The following SYNJ1 variants were observed in gnomAD, a reference collection of about 807,000 sequenced individuals.
SYNJ1 encodes polyphosphatidylinositol phosphatase SYNJ1.
Under a neutral mutation model 168.2 loss-of-function variants are expected in SYNJ1, and 78 were observed. The observed-to-expected ratio is 0.46, with a 90% confidence interval of 0.39 to 0.56. The LOEUF (loss-of-function observed/expected upper bound fraction) is 0.56, where lower values mean the gene tolerates loss of function less well. Among genes scored for constraint, SYNJ1 ranks in the 20% least tolerant of loss-of-function variants. The pLI is 0.00. For missense variants in SYNJ1, 1,303 were observed against 1,597.6 expected (o/e 0.82, Z 3.14); for synonymous variants, 539 against 548.6 (o/e 0.98, Z 0.24).
At chr21:32,715,169 T>C (rs193181211) in intron 2 of SYNJ1, among the ~76,000 whole-genome samples, 30 of 152,250 alleles carry the variant, frequency 2.0e-4, no homozygotes, top group Admixed American at 1.5e-3. Flanking sequence ...GATTCTGGAA[T>C]TTAAAAATAA....
rs112225294 is a variant in SYNJ1 at position 32,638,741 on chromosome 21, C to CAT, written c.3915+165_3915+166dup. On this transcript the variant is annotated intron_variant, in intron 31 of 32. Transcript: ENST00000674351. ...CACAAACAACAACAAAAAACCCAAA[C>CAT]ATATATATATATATACACATATATA... Among the ~76,000 whole-genome samples the CAT allele has an allele frequency of 3.6e-3, 536 of 149,726 alleles. 2 individuals are homozygous for CAT. The highest frequency in any genetic ancestry group is 3.2e-3 in the Non-Finnish European group (217 of 67,304).
rs1050081191 is a variant in SYNJ1 at position 32,641,954 on chromosome 21, G to C, written c.3530C>G (p.Pro1177Arg). ...TRKDNIGRSQ[P>R]SPQAGLAGPG... ...GCCTGCAAGTCCTGCTTGAGGTGAA[G>C]GCTGACTGCGTCCTGGAACAAAGAC... The change falls in exon 29 of 33, where the codon CCT (proline) becomes CGT (arginine). Residue 1177 changes from proline (P) to arginine (R), a missense_variant. Coordinates refer to ENST00000674351, the MANE Select transcript of SYNJ1 (RefSeq NM_203446.3). 6.2e-7 allele frequency: 1 copy of C among 1,613,876 alleles called. No homozygotes were observed. The highest frequency in any genetic ancestry group is 8.5e-7 in the Non-Finnish European group (1 of 1,179,924).
intron 23 of SYNJ1, 142 bp from the exon 24 acceptor site, chr21:32,646,744 A>T: frequency 3.1e-6 from 2 of 637,644 alleles, no homozygotes; most frequent in Non-Finnish European, 5.5e-6. Context: ...TTAAGCATGA[A>T]GGCATGTATA....
rs57470866 is a variant in SYNJ1, at chr21:32,685,425, CAAAAAA to C, written c.1118+317_1118+322del. Among the ~76,000 whole-genome samples the C allele has an allele frequency of 1.6e-4, 11 of 67,240 alleles. No homozygotes were observed. The South Asian group carries it at 3.5e-3, about 21-fold the overall frequency. 44.1% of individuals were successfully genotyped at this position (67,240 alleles called of 152,430 possible). A position where few individuals can be genotyped will look rare whatever the true frequency, so the allele number is the denominator to read the frequency against. ...AATACAGGGAGACCCCCGTCTCTAC[CAAAAAA>C]AAAAAAAAAAAAAAAAAATAAGCCA... is the stretch of plus-strand genomic sequence containing the variant. On this transcript the variant is annotated intron_variant, in intron 9 of 32. Coordinates refer to ENST00000674351, the MANE Select transcript of SYNJ1 (RefSeq NM_203446.3).
intron 22 of SYNJ1, 27 bp from the exon 23 acceptor site, chr21:32,650,373 A>G (rs747487235): frequency 6.4e-7 from 1 of 1,573,494 alleles, no homozygotes; most frequent in South Asian, 1.2e-5. Flanking sequence ...GATATAAAAT[A>G]AAGATTAACA....
At chr21:32,727,689 C>T (rs2043531571) in intron 1 of SYNJ1, 2 of 672,010 alleles carry the variant, frequency 3.0e-6, no homozygotes, top group Non-Finnish European at 4.7e-6. Flanking sequence ...TACCCCGGCG[C>T]CCAGGCGGAT....
At chr21:32,694,985 ATC>A (rs1272709602) in intron 5 of SYNJ1, 70 bp downstream of exon 5, 4 of 1,363,824 alleles carry the variant, frequency 2.9e-6, no homozygotes, top group Middle Eastern at 2.0e-4. Context: ...TCAAATAAAA[ATC>A]TGTTATTCTA....
chr21:32,637,406 CTTTTTTTT>C (rs5843562), intron 31 of SYNJ1, among the ~76,000 whole-genome samples: 11 of 100,300 alleles, frequency 1.1e-4, no homozygotes, highest in Admixed American at 2.4e-4. Flanking sequence ...TTTCTTTTTT[CTTTTTTTT>C]TTTTTTTTTT....
rs1233993256 is a variant in SYNJ1 at position 32,664,923 on chromosome 21, T to C, written c.2294A>G (p.Asn765Ser). Residue 765 changes from asparagine to serine, a missense_variant, in exon 18 of 33, where the codon AAT becomes AGT. Physicochemically the swap from Asn to Ser is conservative, Grantham distance 46 (BLOSUM62 1). Transcript: ENST00000674351. ...IAGDQLINQK[N>S]AGQVFRGFLE... ...CAAGTATAGATATACCTGTCCAGCA[T>C]TTTTCTGATTGATAAGTTGATCTCC... The C allele has an allele frequency of 5.0e-6, 8 of 1,609,068 alleles. No individual in the cohort carries two copies. The highest frequency in any genetic ancestry group is 1.7e-5 in the Admixed American group (1 of 59,412).
Position 32,673,428 on chromosome 21 carries a change from C to T in SYNJ1, c.1638G>A (p.Lys546=). ...CVGTWNVNGG[K]QFRSIAFKNQ... Reference sequence around the variant, plus strand: ...TCTTAAAAGCTATGCTGCGAAATTGCTTCCCACCATTCACATTCCAGGTTC... The same window carrying T: ...TCTTAAAAGCTATGCTGCGAAATTGTTTCCCACCATTCACATTCCAGGTTC... The change falls in exon 14 of 33, where the codon AAG becomes AAA. Residue 546 remains lysine, a synonymous_variant. Coordinates refer to ENST00000674351, the MANE Select transcript of SYNJ1 (RefSeq NM_203446.3). 1 of 1,613,954 alleles carries T rather than the reference C, an allele frequency of 6.2e-7. No homozygotes were observed. The highest frequency in any genetic ancestry group is 8.5e-7 in the Non-Finnish European group (1 of 1,179,926).
At position 32,676,475 on chromosome 21, in the gene SYNJ1, A is replaced by AT. The variant is rs1244295684; in HGVS notation, c.1511-121dup. ...TCACTTAAGTCAATTTGATGACTTTATTTTTTTCTGATAGCTATAGAACAC... is the reference window on the plus strand; with the variant it reads ...TCACTTAAGTCAATTTGATGACTTTATTTTTTTTCTGATAGCTATAGAACAC... On this transcript the variant is annotated intron_variant, in intron 12 of 32. Transcript: ENST00000674351. 3 of 873,508 alleles carry AT rather than the reference A, an allele frequency of 3.4e-6. No homozygotes were observed. In the Admixed American group the frequency reaches 8.4e-5, roughly 24 times the overall value. 54.1% of individuals were successfully genotyped at this position (873,508 alleles called of 1,614,324 possible).
chr21:32,686,422 T>C (rs2041839378), intron 8 of SYNJ1, among the ~76,000 whole-genome samples: 2 of 152,228 alleles, frequency 1.3e-5, no homozygotes, highest in African/African-American at 2.4e-5. Context: ...TATAATCTTA[T>C]GTAACAACAT....
At chr21:32,727,898 C>A in intron 1 of SYNJ1, 48 bp downstream of exon 1, 1 of 1,529,654 alleles carries the variant, frequency 6.5e-7, no homozygotes, top group South Asian at 1.2e-5. Context: ...GCCCGGCTGC[C>A]CGTGGGTCTG....
At chr21:32,645,979 A>T in intron 24 of SYNJ1, 190 bp from the exon 25 acceptor site, 3 of 908,900 alleles carry the variant, frequency 3.3e-6, no homozygotes, top group Non-Finnish European at 5.4e-6. Flanking sequence ...GGCAGCAATA[A>T]TGCTACCTCT....
chr21:32,677,419 G>A (rs2041455631), intron 12 of SYNJ1, among the ~76,000 whole-genome samples: 1 of 152,024 alleles, frequency 6.6e-6, no homozygotes, highest in South Asian at 2.1e-4. Context: ...TTTTTTTAAA[G>A]GTATGATTTT....
chr21:32,666,342 G>A (rs940928508), intron 16 of SYNJ1, 91 bp downstream of exon 16: 2 of 1,525,882 alleles, frequency 1.3e-6, no homozygotes, highest in African/African-American at 2.8e-5. Context: ...GATAGTTTTT[G>A]TTTGAAGAAC....
chr21:32,666,409 T>C (rs908733975), intron 16 of SYNJ1, 24 bp downstream of exon 16: 1 of 1,605,390 alleles, frequency 6.2e-7, no homozygotes, highest in Non-Finnish European at 8.5e-7. Flanking sequence ...GAAGTAGCCT[T>C]AGAGGAGTGT....
intron 26 of SYNJ1, 102 bp downstream of exon 26, chr21:32,644,866 T>A: frequency 1.6e-6 from 2 of 1,278,938 alleles, no homozygotes; most frequent in Non-Finnish European, 1.1e-6. Context: ...TAAACTAGAA[T>A]GTCATTCATT....
chr21:32,699,700 T>G, intron 4 of SYNJ1, 138 bp downstream of exon 4: 1 of 1,008,530 alleles, frequency 9.9e-7, no homozygotes, highest in Non-Finnish European at 1.4e-6. Flanking sequence ...CTGTAGCTAC[T>G]TGCTGCTGAA....
Sources: gnomAD v4.1 joint callset for allele counts (sites outside exome capture counted in the v4.1 genomes callset) on GRCh38, gnomAD v4.1.1 for gene constraint, MANE v1.5 for transcripts, NCBI Gene and HGNC (gene_info 2026-07-23, HGNC 2026-07-21) for gene names.